COL27A1: variants seen among roughly 807,000 people sequenced by gnomAD.
The protein encoded by COL27A1 is collagen type XXVII alpha 1 chain.
Under a neutral mutation model 251.3 loss-of-function variants are expected in COL27A1, and 106 were observed. The ratio of observed to expected loss-of-function variants is 0.42; its 90% confidence interval spans 0.36 to 0.50. The LOEUF (loss-of-function observed/expected upper bound fraction) is 0.50. Ranked by LOEUF, COL27A1 falls within the 20% of genes least tolerant of loss-of-function variation. COL27A1 has a pLI of 0.00. For missense variants in COL27A1, 2,325 were observed against 2,522.8 expected (o/e 0.92, Z 1.68); for synonymous variants, 1,000 against 986.3 (o/e 1.01, Z -0.26).
chr9:114,210,579 T>C (rs1368568709), intron 11 of COL27A1, among the ~76,000 whole-genome samples: 2 of 152,064 alleles, frequency 1.3e-5, no homozygotes, highest in East Asian at 3.9e-4. Flanking sequence ...GTGTGGGAGC[T>C]TCTCACAGAC....
Position 114,311,047 on chromosome 9 carries a change from G to T in COL27A1, c.*352G>T. 1 of 239,264 alleles carries T rather than the reference G, an allele frequency of 4.2e-6. No homozygotes were observed. Among genetic ancestry groups the T allele is most frequent in the Admixed American group, 5.0e-5 (1 of 19,850 alleles). 14.8% of individuals were successfully genotyped at this position (239,264 alleles called of 1,614,324 possible). On this transcript the variant is annotated 3_prime_UTR_variant, in exon 61 of 61. Coordinates refer to ENST00000356083, the MANE Select transcript of COL27A1 (RefSeq NM_032888.4). ...ACATTCAAGCCAACTTGAGGGAAGG[G>T]GGCGTCTCGTCAGCTGGTCCCTGCT...
intron 7 of COL27A1, among the ~76,000 whole-genome samples, chr9:114,202,962 G>A (rs11794643): frequency 0.071 from 10,749 of 152,240 alleles, 488 homozygotes; most frequent in South Asian, 0.2. Context: ...TGGTTAAAAA[G>A]CATATAACAT....
chr9:114,286,879 T>C (rs1233692392), intron 41 of COL27A1, among the ~76,000 whole-genome samples: 1 of 152,172 alleles, frequency 6.6e-6, no homozygotes, highest in Non-Finnish European at 1.5e-5. Context: ...CAGTTTCCCA[T>C]CTTTAAGTGT....
chr9:114,195,921 C>G lies in COL27A1; in HGVS notation c.2071-38C>G, dbSNP rs543920921. ...GAGTGTAGCAGAGTGTCTCTGCTCCCGTTTTCCTGCCTCACCCACCTTGTC... is the reference window on the plus strand; with the variant it reads ...GAGTGTAGCAGAGTGTCTCTGCTCCGGTTTTCCTGCCTCACCCACCTTGTC... On this transcript the variant is annotated intron_variant, in intron 6 of 60. Transcript: ENST00000356083. The G allele has an allele frequency of 1.1e-5, 16 of 1,513,298 alleles. No individual in the cohort carries two copies. The South Asian group carries it at 1.8e-4, about 17-fold the overall frequency. 93.7% of individuals were successfully genotyped at this position (1,513,298 alleles called of 1,614,324 possible).
Position 114,235,633 on chromosome 9 carries a change from C to G in COL27A1, c.2600C>G (p.Pro867Arg), listed in dbSNP as rs775112782. 3 of 1,613,746 alleles carry G rather than the reference C, an allele frequency of 1.9e-6. No individual in the cohort carries two copies. The highest frequency in any genetic ancestry group is 3.3e-5 in the Admixed American group (2 of 60,012). ...EQGVPGVSGDPGFQGDKGSQG... is the reference protein window; with the variant it reads ...EQGVPGVSGDRGFQGDKGSQG... Reference sequence around the variant, plus strand: ...GGGGTTCCAGGTGTGTCAGGAGATCCCGGATTCCAAGGAGACAAGGTAATT... The same window carrying G: ...GGGGTTCCAGGTGTGTCAGGAGATCGCGGATTCCAAGGAGACAAGGTAATT... Residue 867 changes from proline (P) to arginine (R), a missense_variant, in exon 17 of 61, where the codon CCC becomes CGC. By Grantham distance (103) the Pro-to-Arg change is moderately radical. Around this residue, in one of 4 missense-constraint regions of COL27A1, gnomAD observed 662 missense variants for 795.3 expected, o/e 0.83. Coordinates refer to ENST00000356083, the MANE Select transcript of COL27A1 (RefSeq NM_032888.4).
rs1829161980 is a variant in COL27A1 at position 114,307,779 on chromosome 9, G to A, written c.5217+1G>A. On this transcript the variant is annotated splice_donor_variant, in intron 59 of 60. Transcript: ENST00000356083. LOFTEE classifies it high-confidence loss of function. The stretch of plus-strand genomic sequence containing the variant: ...TCTCAAGCCCATCACGGCCTCCAAG[G>A]TACCCATCAGCTCCCACACTGCCCA... The A allele has an allele frequency of 6.2e-7, 1 of 1,609,078 alleles. No individual in the cohort carries two copies. Among genetic ancestry groups the A allele is most frequent in the Admixed American group, 1.7e-5 (1 of 59,880 alleles).
chr9:114,245,835 C>T (rs1833092495), intron 23 of COL27A1, 31 bp from the exon 24 acceptor site: 1 of 1,611,408 alleles, frequency 6.2e-7, no homozygotes, highest in South Asian at 1.1e-5. Context: ...ATCTCCCATC[C>T]CAATCCATCC....
rs775889711 is a variant in COL27A1 at position 114,284,792 on chromosome 9, T to G, written c.3987+15T>G. 1 of 1,614,092 alleles carries G rather than the reference T, an allele frequency of 6.2e-7. No individual in the cohort carries two copies. The highest frequency in any genetic ancestry group is 1.1e-5 in the South Asian group (1 of 91,078). On this transcript the variant is annotated intron_variant, in intron 41 of 60. Transcript: ENST00000356083. ...AAGGCGAAAAGGTGGGTGTTTGCTC[T>G]GGGGAAAGCAGCTGCACCCTCGTGT...
At chr9:114,160,519 G>A (rs1331732813) in intron 1 of COL27A1, among the ~76,000 whole-genome samples, 2 of 151,938 alleles carry the variant, frequency 1.3e-5, no homozygotes, top group East Asian at 3.9e-4. Context: ...AAATATACTG[G>A]ACACTTCCTG....
intron 5 of COL27A1, among the ~76,000 whole-genome samples, chr9:114,193,114 T>C (rs1450530435): frequency 6.6e-6 from 1 of 152,116 alleles, no homozygotes; most frequent in Non-Finnish European, 1.5e-5. Flanking sequence ...ACTGTGAGTC[T>C]GGCAGGTCCA....
intron 41 of COL27A1, 111 bp downstream of exon 41, chr9:114,284,888 G>A: frequency 8.4e-7 from 1 of 1,191,420 alleles, no homozygotes; most frequent in East Asian, 2.4e-5. Context: ...AGAAGCCTGT[G>A]GGGGCTCACC....
Position 114,155,866 on chromosome 9 carries a change from G to C in COL27A1, c.-85G>C. 1 of 1,047,116 alleles carries C rather than the reference G, an allele frequency of 9.6e-7. No homozygotes were observed. Among genetic ancestry groups the C allele is most frequent in the Non-Finnish European group, 1.2e-6 (1 of 861,610 alleles). The allele number at this position is 1,047,116 out of a possible 1,614,324, so 64.9% of individuals were successfully genotyped here. A position where few individuals can be genotyped will look rare whatever the true frequency, so the allele number is the denominator to read the frequency against. On this transcript the variant is annotated 5_prime_UTR_variant, in exon 1 of 61. Transcript: ENST00000356083. The surrounding 1 kb of genome is among the most constrained non-coding windows in gnomAD (Gnocchi z 5.5). ...GGGCCGCGCGCTCTAAGCCGGCCTG[G>C]CGCGGCGGGGCGGGGGGCTGGCGGC...
chr9:114,172,219 A>G (rs745687146), intron 3 of COL27A1, among the ~76,000 whole-genome samples: 7 of 152,164 alleles, frequency 4.6e-5, no homozygotes, highest in Non-Finnish European at 7.3e-5. Flanking sequence ...GGCATCTTTG[A>G]ACGGTGATGA....
intron 21 of COL27A1, among the ~76,000 whole-genome samples, chr9:114,241,605 A>AC (rs766037857): frequency 2.0e-5 from 3 of 152,186 alleles, no homozygotes; most frequent in Non-Finnish European, 2.9e-5. Flanking sequence ...GTCTACACTC[A>AC]CATTACCACT....
intron 19 of COL27A1, among the ~76,000 whole-genome samples, chr9:114,238,707 C>G (rs766205103): frequency 6.6e-6 from 1 of 152,130 alleles, no homozygotes; most frequent in Admixed American, 6.5e-5. Flanking sequence ...CTCCTCTGGT[C>G]GCTGGAAAAA....
intron 41 of COL27A1, among the ~76,000 whole-genome samples, chr9:114,286,725 A>G (rs1368965344): frequency 6.6e-6 from 1 of 150,630 alleles, no homozygotes; most frequent in Non-Finnish European, 1.5e-5. Flanking sequence ...CATGTACCCT[A>G]AAACTTAAAG....
intron 4 of COL27A1, among the ~76,000 whole-genome samples, chr9:114,182,432 T>A (rs970421702): frequency 1.3e-5 from 2 of 150,100 alleles, no homozygotes; most frequent in East Asian, 3.9e-4. Context: ...CCGGAGGAGA[T>A]GGCACTTTGA....
chr9:114,307,853 C>T (rs1025372730), intron 59 of COL27A1, 75 bp downstream of exon 59: 2 of 1,058,164 alleles, frequency 1.9e-6, no homozygotes, highest in Non-Finnish European at 2.9e-6. Context: ...ACAACCAACC[C>T]AGGTTCTGTT....
chr9:114,260,789 C>A (rs953157667), intron 28 of COL27A1, among the ~76,000 whole-genome samples: 3 of 152,158 alleles, frequency 2.0e-5, no homozygotes, highest in African/African-American at 7.2e-5. Flanking sequence ...GTCTCAGCAC[C>A]CCCGGTTCCC....
Sources: allele counts gnomAD v4.1 joint callset (sites outside exome capture counted in the v4.1 genomes callset), GRCh38; gene constraint gnomAD v4.1.1; regional missense constraint gnomAD v4.1.1; non-coding constraint Gnocchi (gnomAD v3.1); transcripts MANE v1.5; gene names NCBI Gene and HGNC (gene_info 2026-07-23, HGNC 2026-07-21).